The following CCNY variants were observed in gnomAD, a reference collection of about 807,000 sequenced individuals.
CCNY encodes the protein cyclin Y.
In CCNY, 19 loss-of-function variants were observed where a neutral mutation model predicts 42.8. The observed-to-expected ratio is 0.44, with a 90% CI of 0.31 to 0.65. The LOEUF (loss-of-function observed/expected upper bound fraction) is 0.65, where lower values mean the gene tolerates loss of function less well. Among genes scored for constraint, CCNY ranks in the 30% least tolerant of loss-of-function variants. CCNY has a pLI of 0.07. For missense variants in CCNY, 370 were observed against 437.3 expected (o/e 0.85, Z 1.37); for synonymous variants, 165 against 162.7 (o/e 1.01, Z -0.11).
chr10:35,314,625 AT>A (rs1468080424), intron 3 of CCNY: 1 of 151,904 alleles, frequency 6.6e-6, no homozygotes, highest in Non-Finnish European at 1.5e-5. Flanking sequence ...TTTTATTTCC[AT>A]TTTTCTCATT....
At chr10:35,303,616 A>G (rs1484809449) in intron 3 of CCNY, among the ~76,000 whole-genome samples, 2 of 151,068 alleles carry the variant, frequency 1.3e-5, no homozygotes, top group East Asian at 4.0e-4. Flanking sequence ...CATCTCTACT[A>G]AAAATACAAA....
chr10:35,504,297 A>G (rs1266518736), intron 3 of CCNY, among the ~76,000 whole-genome samples: 1 of 152,226 alleles, frequency 6.6e-6, no homozygotes, highest in African/African-American at 2.4e-5. Context: ...CCTGGTTTCC[A>G]GCAAACAACA....
chr10:35,386,321 T>C (rs1837299543), intron 1 of CCNY, among the ~76,000 whole-genome samples: 1 of 152,212 alleles, frequency 6.6e-6, no homozygotes, highest in African/African-American at 2.4e-5. Flanking sequence ...GATTTCCCGG[T>C]AAAGCATGGC....
rs765414494 is a variant in CCNY, at chr10:35,516,544, A to G, written c.286A>G (p.Arg96Gly). ...CTAGCATCCTCCAGGACAAATAGCA[A>G]GGAAATACAGTTCCTGCTCCACCAT... ...INHHPPGQIA[R>G]KYSSCSTIFL... The change falls in exon 4 of 10, where the codon AGG (arginine) becomes GGG (glycine). Residue 96 changes from arginine (R) to glycine (G), a missense_variant. Physicochemically the swap from Arg to Gly is moderately radical, Grantham distance 125 (BLOSUM62 -2). Transcript: ENST00000374704. 9.9e-6 allele frequency: 16 copies of G among 1,613,606 alleles called. No individual in the cohort carries two copies. The highest frequency in any genetic ancestry group is 1.4e-5 in the Non-Finnish European group (16 of 1,179,656).
chr10:35,365,305 C>T (rs568976220), intron 1 of CCNY, among the ~76,000 whole-genome samples: 2 of 152,274 alleles, frequency 1.3e-5, no homozygotes, highest in East Asian at 1.9e-4. Flanking sequence ...AACTTGTCCT[C>T]ATGATATAAA....
chr10:35,337,214 G>A lies in CCNY; in HGVS notation c.154+7G>A. On this transcript the variant is annotated splice_region_variant and intron_variant, in intron 1 of 9. Transcript: ENST00000374704. ...GACCGGGAGAACATAGACGGTGAGTGCGGCCCGCCGAGCCCCCTACCCGCC... is the reference window on the plus strand; with the variant it reads ...GACCGGGAGAACATAGACGGTGAGTACGGCCCGCCGAGCCCCCTACCCGCC... The A allele has an allele frequency of 2.6e-6, 4 of 1,521,664 alleles. No individual in the cohort carries two copies. Among genetic ancestry groups the A allele is most frequent in the Non-Finnish European group, 2.6e-6 (3 of 1,132,090 alleles). The allele number at this position is 1,521,664 out of a possible 1,614,324, so 94.3% of individuals were successfully genotyped here.
At chr10:35,275,732 C>T (rs1014930725) in intron 3 of CCNY, among the ~76,000 whole-genome samples, 1 of 151,556 alleles carries the variant, frequency 6.6e-6, no homozygotes, top group African/African-American at 2.4e-5. Context: ...CACTGCACTC[C>T]AGCCTGGGTG....
chr10:35,355,148 G>A (rs2135144645), intron 1 of CCNY, among the ~76,000 whole-genome samples: 1 of 152,304 alleles, frequency 6.6e-6, no homozygotes, highest in East Asian at 1.9e-4. Context: ...GAGTGCAGGA[G>A]CCTTACTCTC....
At chr10:35,353,622 G>A (rs1359984460) in intron 1 of CCNY, among the ~76,000 whole-genome samples, 2 of 152,184 alleles carry the variant, frequency 1.3e-5, no homozygotes, top group South Asian at 2.1e-4. Flanking sequence ...CTGGTTCACA[G>A]CAGTTCTCAG....
chr10:35,284,842 G>A (rs1239069255), intron 3 of CCNY, among the ~76,000 whole-genome samples: 1 of 151,844 alleles, frequency 6.6e-6, no homozygotes, highest in Non-Finnish European at 1.5e-5. Context: ...AAAATAATTT[G>A]TAATTTCCCT....
intron 3 of CCNY, among the ~76,000 whole-genome samples, chr10:35,329,948 T>C (rs1340652785): frequency 6.6e-6 from 1 of 152,182 alleles, no homozygotes; most frequent in Admixed American, 6.5e-5. Context: ...TAATGTCGAA[T>C]TATAGCTGCA....
At chr10:35,504,126 C>G (rs980857039) in intron 3 of CCNY, among the ~76,000 whole-genome samples, 6 of 152,250 alleles carry the variant, frequency 3.9e-5, no homozygotes, top group African/African-American at 1.4e-4. Context: ...CCACTTAGTA[C>G]ATGTTGCTAA....
chr10:35,511,285 C>CACCT (rs1241539705), intron 3 of CCNY, among the ~76,000 whole-genome samples: 1 of 152,208 alleles, frequency 6.6e-6, no homozygotes, highest in Non-Finnish European at 1.5e-5. Flanking sequence ...ACCTCCAAGA[C>CACCT]ACCTGCAGTC....
At chr10:35,292,360 T>G (rs1835422896) in intron 3 of CCNY, among the ~76,000 whole-genome samples, 1 of 152,148 alleles carries the variant, frequency 6.6e-6, no homozygotes, top group African/African-American at 2.4e-5. Context: ...TAATTTTTAA[T>G]TTTTTTATTT....
chr10:35,336,994 C>CG lies in CCNY; in HGVS notation c.-59dup, dbSNP rs1421471686. 1.5e-5 allele frequency: 20 copies of CG among 1,301,490 alleles called. No individual in the cohort carries two copies. Among genetic ancestry groups the CG allele is most frequent in the Non-Finnish European group, 1.9e-5 (19 of 1,005,114 alleles). The allele number at this position is 1,301,490 out of a possible 1,614,324, so 80.6% of individuals were successfully genotyped here. A position where few individuals can be genotyped will look rare whatever the true frequency, so the allele number is the denominator to read the frequency against. On this transcript the variant is annotated 5_prime_UTR_variant, in exon 1 of 10. Coordinates refer to ENST00000374704, the MANE Select transcript of CCNY (RefSeq NM_145012.6). ...GCCGCCCGCGCCCCGCGTCCACCCGCGCCCCGCTCCCGGGGACTGGGAGAA... is the reference window on the plus strand; with the variant it reads ...GCCGCCCGCGCCCCGCGTCCACCCGCGGCCCCGCTCCCGGGGACTGGGAGAA...
chr10:35,407,977 C>T (rs949346578), intron 1 of CCNY, among the ~76,000 whole-genome samples: 29 of 152,234 alleles, frequency 1.9e-4, no homozygotes, highest in Middle Eastern at 6.8e-3. Context: ...CCGTGACTGG[C>T]GCTGGAGTTT....
intron 1 of CCNY, among the ~76,000 whole-genome samples, chr10:35,409,935 G>T (rs1837867412): frequency 1.3e-5 from 2 of 152,096 alleles, no homozygotes; most frequent in Non-Finnish European, 2.9e-5. Context: ...TAGAGACAGG[G>T]TCTTGCTATG....
At chr10:35,357,173 C>A (rs923069170) in intron 1 of CCNY, among the ~76,000 whole-genome samples, 5 of 130,626 alleles carry the variant, frequency 3.8e-5, no homozygotes, top group African/African-American at 1.8e-4. Context: ...AGCCCCTGCT[C>A]CTGCCCCTGC....
At chr10:35,404,024 G>A (rs981335275) in intron 1 of CCNY, among the ~76,000 whole-genome samples, 5 of 82,524 alleles carry the variant, frequency 6.1e-5, no homozygotes, top group Admixed American at 4.7e-4. Flanking sequence ...TTGAAGTCCA[G>A]GCCAGGAACA....
Sources: gnomAD v4.1 joint callset for allele counts (sites outside exome capture counted in the v4.1 genomes callset) on GRCh38, gnomAD v4.1.1 for gene constraint, MANE v1.5 for transcripts, NCBI Gene and HGNC (gene_info 2026-07-23, HGNC 2026-07-21) for gene names.